The following CNTN1 variants were observed in gnomAD, a reference collection of about 807,000 sequenced individuals.
CNTN1 encodes the protein contactin 1.
CNTN1 carries 38 observed loss-of-function variants against 126.4 expected under a neutral mutation model. The observed-to-expected ratio is 0.30, with a 90% CI of 0.23 to 0.39. The LOEUF (loss-of-function observed/expected upper bound fraction) is 0.39, where lower values mean the gene tolerates loss of function less well. Ranked by LOEUF, CNTN1 falls within the 10% of genes least tolerant of loss-of-function variation. CNTN1 has a pLI of 1.00. For synonymous variants in CNTN1, 413 were observed against 422.6 expected, an observed-to-expected ratio of 0.98 and a Z score of 0.28; for missense variants, 1,009 against 1,248.4, an observed-to-expected ratio of 0.81 and a Z score of 2.89.
intron 1 of CNTN1, among the ~76,000 whole-genome samples, chr12:40,710,367 A>C (rs532511023): frequency 6.6e-6 from 1 of 152,130 alleles, no homozygotes; most frequent in East Asian, 1.9e-4. Context: ...GGCACCCCAA[A>C]ACAATTACAA....
intron 1 of CNTN1, among the ~76,000 whole-genome samples, chr12:40,718,748 A>G (rs897749969): frequency 6.6e-6 from 1 of 152,202 alleles, no homozygotes; most frequent in Non-Finnish European, 1.5e-5. Context: ...TTACAAGTTT[A>G]GAGTCAATAA....
chr12:40,917,216 A>T lies in CNTN1; in HGVS notation c.95-1423A>T, dbSNP rs539240195. Among the ~76,000 whole-genome samples the T allele has an allele frequency of 3.4e-3, 515 of 152,200 alleles. 5 individuals carry two copies. The highest frequency in any genetic ancestry group is 4.2e-3 in the Non-Finnish European group (287 of 67,974). On this transcript the variant is annotated intron_variant, in intron 3 of 23. Coordinates refer to ENST00000551295, the MANE Select transcript of CNTN1 (RefSeq NM_001843.4). ...TTTTTAGAAGCTTCATGATTAGTTG[A>T]ATAGCTTATATACATAAGAAACATA...
At chr12:40,775,433 A>C (rs1251970963) in intron 1 of CNTN1, among the ~76,000 whole-genome samples, 1 of 151,480 alleles carries the variant, frequency 6.6e-6, no homozygotes, top group Non-Finnish European at 1.5e-5. Flanking sequence ...CTTTAGTTCT[A>C]TAATTATTTT....
intron 15 of CNTN1, among the ~76,000 whole-genome samples, chr12:40,964,521 A>AGTGTGT (rs768904007): frequency 8.0e-5 from 9 of 112,794 alleles, no homozygotes; most frequent in African/African-American, 2.2e-4. Flanking sequence ...ACACCGTGTA[A>AGTGTGT]GTGAGTGTGT....
intron 19 of CNTN1, among the ~76,000 whole-genome samples, chr12:41,019,316 G>T (rs1267055080): frequency 6.6e-6 from 1 of 152,052 alleles, no homozygotes; most frequent in Non-Finnish European, 1.5e-5. Flanking sequence ...AAGTTTTCAG[G>T]CAAATAGCTT....
intron 1 of CNTN1, among the ~76,000 whole-genome samples, chr12:40,699,235 T>C (rs1941535640): frequency 6.6e-6 from 1 of 152,218 alleles, no homozygotes; most frequent in South Asian, 2.1e-4. Context: ...ACTTAATAAA[T>C]ATTTTCTGAA....
At chr12:41,052,276 G>A (rs1949706690) in intron 23 of CNTN1, among the ~76,000 whole-genome samples, 1 of 152,126 alleles carries the variant, frequency 6.6e-6, no homozygotes, top group African/African-American at 2.4e-5. Flanking sequence ...TAAAGACATT[G>A]GAAACTCAAT....
At chr12:41,021,306 T>A (rs1005465500) in intron 20 of CNTN1, among the ~76,000 whole-genome samples, 1 of 152,054 alleles carries the variant, frequency 6.6e-6, no homozygotes, top group African/African-American at 2.4e-5. Context: ...TCCCTGTTTT[T>A]TTTTTCAGTG....
At chr12:40,753,630 T>C (rs1938488112) in intron 1 of CNTN1, among the ~76,000 whole-genome samples, 1 of 152,080 alleles carries the variant, frequency 6.6e-6, no homozygotes, top group Non-Finnish European at 1.5e-5. Flanking sequence ...TGGACGTAAC[T>C]GCTCCCATGA....
chr12:40,711,823 C>A (rs1019849521), intron 1 of CNTN1, among the ~76,000 whole-genome samples: 1 of 152,128 alleles, frequency 6.6e-6, no homozygotes, highest in Non-Finnish European at 1.5e-5. Flanking sequence ...AGTGATCCTC[C>A]CATCTCAGCT....
chr12:40,752,649 C>T (rs73110880), intron 1 of CNTN1, among the ~76,000 whole-genome samples: 1,785 of 152,072 alleles, frequency 0.012, 24 homozygotes, highest in African/African-American at 0.04. Flanking sequence ...GTTTATAATT[C>T]TAATCTTGAT....
intron 23 of CNTN1, among the ~76,000 whole-genome samples, chr12:41,031,348 A>AG (rs1949142040): frequency 6.6e-6 from 1 of 152,220 alleles, no homozygotes; most frequent in Non-Finnish European, 1.5e-5. Context: ...GCTACCCAGT[A>AG]GCACATCATT....
Position 40,992,554 on chromosome 12 carries a change from A to G in CNTN1, c.1964-566A>G, listed in dbSNP as rs114553508. 8.5e-3 allele frequency among the ~76,000 whole-genome samples: 1,295 copies of G among 152,198 alleles called. 18 individuals are homozygous for G. Among genetic ancestry groups the G allele is most frequent in the African/African-American group, 0.026 (1,081 of 41,536 alleles). ...CATCTAATCTATATTAGTATCTAGT[A>G]GCATGAATTCTGAGGGATACTTAAC... On this transcript the variant is annotated intron_variant, in intron 16 of 23. Transcript: ENST00000551295.
intron 1 of CNTN1, among the ~76,000 whole-genome samples, chr12:40,754,719 T>A (rs970543797): frequency 1.3e-4 from 20 of 152,236 alleles, no homozygotes; most frequent in African/African-American, 4.8e-4. Flanking sequence ...CAGTTGTCAA[T>A]GTTATGTTCA....
chr12:40,800,987 G>T (rs1293416801), intron 1 of CNTN1, among the ~76,000 whole-genome samples: 3 of 149,220 alleles, frequency 2.0e-5, no homozygotes, highest in African/African-American at 7.5e-5. Context: ...AGCAGAATGT[G>T]GGTAACAGCA....
At chr12:40,746,415 TAGAAGAAAGAATTTGACTGAG>T (rs1294401449) in intron 1 of CNTN1, among the ~76,000 whole-genome samples, 1 of 152,072 alleles carries the variant, frequency 6.6e-6, no homozygotes, top group Non-Finnish European at 1.5e-5. Context: ...CTTGCCTCCT[TAGAAGAAAGAATTTGACTGAG>T]GGGCATAAGG....
At chr12:40,923,526 G>T (rs999626507) in intron 5 of CNTN1, among the ~76,000 whole-genome samples, 1 of 152,002 alleles carries the variant, frequency 6.6e-6, no homozygotes, top group Admixed American at 6.6e-5. Flanking sequence ...GAATTAACAG[G>T]TTGCATTGCA....
chr12:40,949,380 G>A (rs944937497), intron 14 of CNTN1, among the ~76,000 whole-genome samples: 4 of 149,890 alleles, frequency 2.7e-5, no homozygotes, highest in Non-Finnish European at 3.0e-5. Flanking sequence ...CCACTAACTC[G>A]TCATCTAGCA....
chr12:41,049,307 C>G (rs1354083294), intron 23 of CNTN1, among the ~76,000 whole-genome samples: 1 of 152,224 alleles, frequency 6.6e-6, no homozygotes, highest in East Asian at 1.9e-4. Flanking sequence ...TCAGTCTTCT[C>G]TGATTTATTC....
Sources: gnomAD v4.1 joint callset for allele counts (sites outside exome capture counted in the v4.1 genomes callset) on GRCh38, gnomAD v4.1.1 for gene constraint, MANE v1.5 for transcripts, NCBI Gene and HGNC (gene_info 2026-07-23, HGNC 2026-07-21) for gene names.